Variants in NTM observed in about 807,000 individuals in gnomAD.
NTM encodes neurotrimin, also known as IgLON family member 2.
NTM carries 13 observed loss-of-function variants against 42.1 expected under a neutral mutation model. The observed-to-expected ratio is 0.31, with a 90% CI of 0.20 to 0.49. The LOEUF is 0.49. NTM is among the 20% of genes least tolerant of loss of function. The pLI is 0.99. For missense variants in NTM, 373 were observed against 452.8 expected, an observed-to-expected ratio of 0.82 and a Z score of 1.60; for synonymous variants, 187 against 179.2, an observed-to-expected ratio of 1.04 and a Z score of -0.35.
At chr11:131,947,750 G>T (rs1380535176) in intron 2 of NTM, among the ~76,000 whole-genome samples, 2 of 152,154 alleles carry the variant, frequency 1.3e-5, no homozygotes, top group Admixed American at 1.3e-4. Context: ...TAATAACAGT[G>T]ATGTTGGCTT....
chr11:131,574,559 T>TGA (rs992151066), intron 1 of NTM, among the ~76,000 whole-genome samples: 1 of 134,686 alleles, frequency 7.4e-6, no homozygotes, highest in African/African-American at 3.1e-5. Flanking sequence ...TGTATGTGCT[T>TGA]GAGTGTGTGT....
chr11:132,025,134 G>T (rs2074990976), intron 2 of NTM, among the ~76,000 whole-genome samples: 1 of 152,152 alleles, frequency 6.6e-6, no homozygotes, highest in Non-Finnish European at 1.5e-5. Flanking sequence ...GCTGAGCAGT[G>T]GGGTAGCAGG....
intron 2 of NTM, among the ~76,000 whole-genome samples, chr11:131,941,989 C>T (rs1429150015): frequency 1.3e-5 from 2 of 152,070 alleles, no homozygotes; most frequent in Non-Finnish European, 2.9e-5. Flanking sequence ...CTTCCTTTTC[C>T]TCTTTTCTTC....
chr11:131,790,612 C>T (rs2090796519), intron 1 of NTM, among the ~76,000 whole-genome samples: 1 of 152,164 alleles, frequency 6.6e-6, no homozygotes. Flanking sequence ...GCAAATGTTG[C>T]AATGTCAACC....
At chr11:131,649,329 G>A (rs148982719) in intron 1 of NTM, among the ~76,000 whole-genome samples, 182 of 152,276 alleles carry the variant, frequency 1.2e-3, no homozygotes, top group African/African-American at 4.1e-3. Context: ...ACCATGGTGC[G>A]TCCAGAAACA....
chr11:131,456,849 G>A (rs869090529), intron 1 of NTM, among the ~76,000 whole-genome samples: 1 of 152,002 alleles, frequency 6.6e-6, no homozygotes, highest in African/African-American at 2.4e-5. Context: ...TGGATTATTT[G>A]CTGGACCTAA....
intron 1 of NTM, chr11:131,794,560 G>C: frequency 1.0e-6 from 1 of 985,272 alleles, no homozygotes; most frequent in Non-Finnish European, 1.2e-6. Context: ...CATTCACTGA[G>C]TTCTACAAGT....
intron 1 of NTM, among the ~76,000 whole-genome samples, chr11:131,570,694 G>A (rs57673243): frequency 3.3e-5 from 5 of 152,238 alleles, no homozygotes; most frequent in East Asian, 1.9e-4. Flanking sequence ...GTGGTGGTGC[G>A]TGCCAGTAGT....
At chr11:131,954,070 C>G (rs575423856) in intron 2 of NTM, among the ~76,000 whole-genome samples, 2 of 152,300 alleles carry the variant, frequency 1.3e-5, no homozygotes, top group South Asian at 4.1e-4. Context: ...AAACTCTACT[C>G]CCCATGGCTA....
At chr11:131,613,297 C>G (rs1229341829) in intron 1 of NTM, among the ~76,000 whole-genome samples, 2 of 152,124 alleles carry the variant, frequency 1.3e-5, no homozygotes, top group Non-Finnish European at 2.9e-5. Context: ...CCAGGGACAC[C>G]CGCCTGACTT....
Position 131,784,564 on chromosome 11 carries a change from A to T in NTM, c.83-127000A>T, listed in dbSNP as rs73595133. Among the ~76,000 whole-genome samples, 474 of 152,324 alleles carry T rather than the reference A, an allele frequency of 3.1e-3. 3 individuals carry two copies. The highest frequency in any genetic ancestry group is 0.01 in the African/African-American group (435 of 41,576). ...ATAGGTGAAACCAAACTGTAGCAAGAGAAAGCAAAGCCACATTTCCTGGGG... is the reference window on the plus strand; with the variant it reads ...ATAGGTGAAACCAAACTGTAGCAAGTGAAAGCAAAGCCACATTTCCTGGGG... On this transcript the variant is annotated intron_variant, in intron 1 of 8. Coordinates refer to ENST00000683400, the MANE Select transcript of NTM (RefSeq NM_001352005.2).
At chr11:131,409,450 C>G (rs544797463) in intron 1 of NTM, among the ~76,000 whole-genome samples, 2 of 152,140 alleles carry the variant, frequency 1.3e-5, no homozygotes, top group African/African-American at 4.8e-5. Flanking sequence ...TAACTGGGAC[C>G]GCCCTGCTGG....
intron 2 of NTM, among the ~76,000 whole-genome samples, chr11:132,100,372 G>T (rs2061487481): frequency 6.6e-6 from 1 of 152,190 alleles, no homozygotes; most frequent in Admixed American, 6.5e-5. Flanking sequence ...GCACCACTAT[G>T]ATCTGACTGT....
chr11:132,330,417 T>C (rs1194847604), intron 8 of NTM, among the ~76,000 whole-genome samples: 2 of 152,188 alleles, frequency 1.3e-5, no homozygotes, highest in Non-Finnish European at 2.9e-5. Context: ...TCTTTGCTGG[T>C]GGCACTAATG....
chr11:131,495,076 T>C (rs1955192636), intron 1 of NTM, among the ~76,000 whole-genome samples: 1 of 152,168 alleles, frequency 6.6e-6, no homozygotes, highest in African/African-American at 2.4e-5. Context: ...TTTAAAAACA[T>C]GAGGGAAAAT....
intron 3 of NTM, among the ~76,000 whole-genome samples, chr11:132,170,870 G>A (rs1022069487): frequency 6.6e-5 from 10 of 152,150 alleles, no homozygotes; most frequent in Non-Finnish European, 8.8e-5. Context: ...GTGATAAATG[G>A]TCCTTGACCT....
At chr11:132,184,832 G>C (rs1457295594) in intron 3 of NTM, among the ~76,000 whole-genome samples, 1 of 152,198 alleles carries the variant, frequency 6.6e-6, no homozygotes, top group Non-Finnish European at 1.5e-5. Flanking sequence ...ACAGCGTCAT[G>C]AACGTACCAT....
At chr11:131,410,901 G>A (rs778148835) in intron 1 of NTM, among the ~76,000 whole-genome samples, 1 of 152,144 alleles carries the variant, frequency 6.6e-6, no homozygotes, top group Non-Finnish European at 1.5e-5. Context: ...GCATAAATGG[G>A]TTAAAAGCCT....
intron 1 of NTM, chr11:131,539,595 A>G (rs1000094556): frequency 2.0e-5 from 3 of 152,264 alleles, no homozygotes; most frequent in Admixed American, 1.3e-4. Context: ...CCATGGGACC[A>G]TTTGAGGTAA....
Sources: gnomAD v4.1 joint callset for allele counts (sites outside exome capture counted in the v4.1 genomes callset) on GRCh38, gnomAD v4.1.1 for gene constraint, MANE v1.5 for transcripts, NCBI Gene and HGNC (gene_info 2026-07-23, HGNC 2026-07-21) for gene names.